The following ANKRD30A variants were observed in gnomAD, a reference collection of about 807,000 sequenced individuals.
The protein encoded by ANKRD30A is ankyrin repeat domain 30A.
Under a neutral mutation model 166.3 loss-of-function variants are expected in ANKRD30A, and 170 were observed. The observed-to-expected ratio is 1.02, with a 90% CI of 0.90 to 1.16. The LOEUF is 1.16. Ranked by LOEUF, ANKRD30A falls within the 50% of genes most tolerant of loss-of-function variation. The probability of loss-of-function intolerance (pLI) is 0.00; values close to 1 mark genes in which losing one functional copy is unlikely to be tolerated. For synonymous variants in ANKRD30A, 564 were observed against 508.9 expected, an observed-to-expected ratio of 1.11 and a Z score of -1.46; for missense variants, 1,630 against 1,518.0, an observed-to-expected ratio of 1.07 and a Z score of -1.23.
In ANKRD30A at chr10:37,216,213, G is replaced by A. The variant is rs1200876; in HGVS notation, c.2902G>A (p.Val968Ile). The A allele has an allele frequency of 0.21, 344,286 of 1,601,600 alleles. 40,224 individuals are homozygous for A. Among genetic ancestry groups the A allele is most frequent in the Admixed American group, 0.28 (16,893 of 59,350 alleles). Residue 968 changes from valine (V) to isoleucine (I), a missense_variant, in exon 32 of 36, where the codon GTT (valine) becomes ATT (isoleucine). Around this residue, in one of 4 missense-constraint regions of ANKRD30A, gnomAD observed 712 missense variants for 629.3 expected, o/e 1.13. Coordinates refer to ENST00000361713, the MANE Select transcript of ANKRD30A (RefSeq NM_052997.3). ...STSLSKILDTVHSCERARELQ... is the reference protein window; with the variant it reads ...STSLSKILDTIHSCERARELQ... ...TAGCCTATCAAAAATCTTGGATACA[G>A]TTCATTCTTGTGAAAGAGCAAGGGA...
chr10:37,235,831 G>A (rs1322083117), downstream of ANKRD30A, among the ~76,000 whole-genome samples: 4 of 146,724 alleles, frequency 2.7e-5, no homozygotes, highest in Non-Finnish European at 4.5e-5. Context: ...GTGCAGTGGC[G>A]CAATCTCGGC....
intron 9 of ANKRD30A, 67 bp from the exon 10 acceptor site, chr10:37,149,584 C>T: frequency 6.5e-7 from 1 of 1,530,694 alleles, no homozygotes; most frequent in South Asian, 1.1e-5. Flanking sequence ...CATACTATGA[C>T]TGCATTCATT....
At chr10:37,198,142 A>T (rs1841305943) in intron 29 of ANKRD30A, among the ~76,000 whole-genome samples, 1 of 152,256 alleles carries the variant, frequency 6.6e-6, no homozygotes. Context: ...TTTATTGCCC[A>T]GAAGTAACCA....
chr10:37,250,991 A>G, the ANKRD30A span, among the ~76,000 whole-genome samples: 7 of 152,176 alleles, frequency 4.6e-5, no homozygotes, highest in African/African-American at 1.4e-4. Flanking sequence ...CAAGATAACT[A>G]CAGCATAGAG....
At chr10:37,141,679 T>C in intron 6 of ANKRD30A, 39 bp from the exon 7 acceptor site, 1 of 1,605,462 alleles carries the variant, frequency 6.2e-7, no homozygotes, top group African/African-American at 1.3e-5. Flanking sequence ...GGATGATATT[T>C]AGTAGAAGGA....
the ANKRD30A span, among the ~76,000 whole-genome samples, chr10:37,249,443 G>A: frequency 6.6e-6 from 1 of 151,958 alleles, no homozygotes; most frequent in Non-Finnish European, 1.5e-5. Context: ...GGAAACCTCA[G>A]GCACTTTGAA....
chr10:37,148,850 T>A (rs1395169570), intron 9 of ANKRD30A, among the ~76,000 whole-genome samples: 1 of 152,108 alleles, frequency 6.6e-6, no homozygotes. Context: ...TATAGACTAA[T>A]GATACGCCAA....
At chr10:37,144,303 T>C (rs1360020481) in intron 7 of ANKRD30A, among the ~76,000 whole-genome samples, 1 of 152,222 alleles carries the variant, frequency 6.6e-6, no homozygotes, top group Non-Finnish European at 1.5e-5. Context: ...ATTTAGTTAC[T>C]TAAGGCAATT....
intron 15 of ANKRD30A, among the ~76,000 whole-genome samples, chr10:37,160,472 T>C (rs968232360): frequency 5.9e-5 from 9 of 152,148 alleles, no homozygotes; most frequent in Admixed American, 2.0e-4. Context: ...TTTGTTGAAC[T>C]TCAGAGATGC....
Position 37,218,986 on chromosome 10 carries a change from C to G in ANKRD30A, c.3274C>G (p.His1092Asp). 1.9e-6 allele frequency: 3 copies of G among 1,576,860 alleles called. No homozygotes were observed. Among genetic ancestry groups the G allele is most frequent in the Non-Finnish European group, 2.6e-6 (3 of 1,164,366 alleles). Reference sequence around the variant, plus strand: ...TTTATTTTGTTTTATTTAGGTTTCTCACACTCATGAAAATGAAAATTATCT... The same window carrying G: ...TTTATTTTGTTTTATTTAGGTTTCTGACACTCATGAAAATGAAAATTATCT... Reference protein sequence around the residue: ...SVESNLNQVSHTHENENYLLH... With the variant: ...SVESNLNQVSDTHENENYLLH... Residue 1092 changes from histidine to aspartate, a missense_variant, in exon 34 of 36, where the codon CAC (histidine) becomes GAC (aspartate). Physicochemically the swap from His to Asp is moderately conservative, Grantham distance 81. Around this residue, in one of 4 missense-constraint regions of ANKRD30A, gnomAD observed 712 missense variants for 629.3 expected, o/e 1.13. Transcript: ENST00000361713.
At chr10:37,190,769 A>G (rs1840490035) in intron 25 of ANKRD30A, among the ~76,000 whole-genome samples, 2 of 151,830 alleles carry the variant, frequency 1.3e-5, no homozygotes, top group African/African-American at 4.9e-5. Flanking sequence ...GAATTGGACT[A>G]AACCTCAGTG....
At chr10:37,133,668 T>C (rs569258246) in intron 4 of ANKRD30A, among the ~76,000 whole-genome samples, 115 of 152,346 alleles carry the variant, frequency 7.5e-4, no homozygotes, top group Middle Eastern at 3.4e-3. Context: ...TTTAGATTAG[T>C]GAACAGAGCA....
intron 5 of ANKRD30A, among the ~76,000 whole-genome samples, chr10:37,134,644 C>T (rs1836569029): frequency 6.6e-6 from 1 of 152,174 alleles, no homozygotes; most frequent in African/African-American, 2.4e-5. Flanking sequence ...TTCCAAAGTA[C>T]CAGCACCCTG....
chr10:37,166,458 T>G lies in ANKRD30A; in HGVS notation c.2065-147T>G, dbSNP rs1202470971. ...GTGAGGTTTTCTATCAAAATGTGTT[T>G]GTTTTCTACATGTATCTGCTCTTAA... is the stretch of plus-strand genomic sequence containing the variant. On this transcript the variant is annotated intron_variant, in intron 18 of 35. Coordinates refer to ENST00000361713, the MANE Select transcript of ANKRD30A (RefSeq NM_052997.3). The G allele has an allele frequency of 1.2e-5, 9 of 728,104 alleles. No individual in the cohort carries two copies. In the African/African-American group the frequency reaches 1.3e-4, roughly 10 times the overall value. 45.1% of individuals were successfully genotyped at this position (728,104 alleles called of 1,614,324 possible).
chr10:37,215,778 T>C (rs1231944193), intron 31 of ANKRD30A, among the ~76,000 whole-genome samples: 2 of 151,498 alleles, frequency 1.3e-5, no homozygotes, highest in East Asian at 3.9e-4. Flanking sequence ...CAGACTACAC[T>C]AGAGCTTCAG....
chr10:37,218,021 C>A, intron 33 of ANKRD30A, 143 bp downstream of exon 33: 2 of 525,468 alleles, frequency 3.8e-6, no homozygotes, highest in Non-Finnish European at 6.2e-6. Context: ...ACATTTGTAG[C>A]TACAGTTATT....
At chr10:37,258,035 T>C in the ANKRD30A span, among the ~76,000 whole-genome samples, 1 of 152,160 alleles carries the variant, frequency 6.6e-6, no homozygotes, top group South Asian at 2.1e-4. Flanking sequence ...AAAAGCCAGA[T>C]GACAGGTTGA....
chr10:37,197,484 C>G lies in ANKRD30A; in HGVS notation c.2716+4C>G, dbSNP rs2997347. 7 of 1,612,104 alleles carry G rather than the reference C, an allele frequency of 4.3e-6. No individual in the cohort carries two copies. Among genetic ancestry groups the G allele is most frequent in the Non-Finnish European group, 5.9e-6 (7 of 1,179,600 alleles). On this transcript the variant is annotated splice_donor_region_variant and intron_variant, in intron 29 of 35. Transcript: ENST00000361713. ...AATGAACAAACATTGAGAGCAGGTA[C>G]ATTTTTCAATGTAACTATGCGAAGA...
chr10:37,252,243 C>G, the ANKRD30A span, among the ~76,000 whole-genome samples: 2 of 151,980 alleles, frequency 1.3e-5, no homozygotes, highest in South Asian at 4.1e-4. Flanking sequence ...TTCTTGATTC[C>G]CCAGAGTCCA....
Sources: allele counts gnomAD v4.1 joint callset (sites outside exome capture counted in the v4.1 genomes callset), GRCh38; gene constraint gnomAD v4.1.1; regional missense constraint gnomAD v4.1.1; transcripts MANE v1.5; gene names NCBI Gene and HGNC (gene_info 2026-07-23, HGNC 2026-07-21).